The following MED27 variants were observed in gnomAD, a reference collection of about 807,000 sequenced individuals.
MED27 encodes mediator complex subunit 27.
In MED27, 30 loss-of-function variants were observed where a neutral mutation model predicts 38.2. The observed-to-expected ratio is 0.79, with a 90% CI of 0.59 to 1.07. The LOEUF is 1.07. Among genes scored for constraint, MED27 ranks in the 50% least tolerant of loss-of-function variants. MED27 has a pLI of 0.00. For missense variants in MED27, 289 were observed against 397.5 expected (o/e 0.73, Z 2.32); for synonymous variants, 122 against 153.5 (o/e 0.79, Z 1.52).
chr9:131,975,129 A>T (rs528296871), intron 3 of MED27, among the ~76,000 whole-genome samples: 1 of 152,338 alleles, frequency 6.6e-6, no homozygotes, highest in South Asian at 2.1e-4. Flanking sequence ...GCTGTTATTT[A>T]TCTCTTTTTC....
intron 3 of MED27, among the ~76,000 whole-genome samples, chr9:131,988,156 C>A (rs1831893203): frequency 6.6e-6 from 1 of 152,138 alleles, no homozygotes; most frequent in African/African-American, 2.4e-5. Flanking sequence ...TTTCCTATAG[C>A]ATAGTGGCTA....
intron 2 of MED27, among the ~76,000 whole-genome samples, chr9:132,030,886 C>G (rs551893373): frequency 9.1e-4 from 138 of 152,312 alleles, no homozygotes; most frequent in African/African-American, 3.2e-3. Context: ...GAGACAGCAA[C>G]AGAAAGAGAG....
intron 4 of MED27, among the ~76,000 whole-genome samples, chr9:131,923,591 A>G (rs1830434503): frequency 6.6e-6 from 1 of 152,174 alleles, no homozygotes; most frequent in South Asian, 2.1e-4. Context: ...CTTTTTTAAA[A>G]TCTTGTCCAG....
intron 3 of MED27, among the ~76,000 whole-genome samples, chr9:131,959,176 T>C (rs1210939926): frequency 6.6e-6 from 1 of 152,214 alleles, no homozygotes; most frequent in African/African-American, 2.4e-5. Context: ...CCCAGCTCTA[T>C]GAAGTAGGTG....
At chr9:131,951,129 T>G (rs767936447) in intron 3 of MED27, among the ~76,000 whole-genome samples, 2 of 152,134 alleles carry the variant, frequency 1.3e-5, no homozygotes, top group Non-Finnish European at 2.9e-5. Context: ...AGCTCCAGAT[T>G]TTCCCACCTC....
chr9:131,998,453 G>C (rs1254124603), intron 3 of MED27, among the ~76,000 whole-genome samples: 2 of 152,026 alleles, frequency 1.3e-5, no homozygotes. Context: ...TCACTTATCT[G>C]CATCCTTATT....
At chr9:132,073,783 TAGC>T in intron 2 of MED27, 1 of 1,494,902 alleles carries the variant, frequency 6.7e-7, no homozygotes. Context: ...AAAAAAAAGG[TAGC>T]AGCAGCACCT....
intron 2 of MED27, among the ~76,000 whole-genome samples, chr9:132,046,850 T>C (rs1380649968): frequency 6.6e-6 from 1 of 152,120 alleles, no homozygotes; most frequent in African/African-American, 2.4e-5. Context: ...TTGTCACAAA[T>C]ACAACTGTGA....
intron 2 of MED27, among the ~76,000 whole-genome samples, chr9:132,034,956 T>C (rs767516768): frequency 5.3e-5 from 8 of 152,208 alleles, no homozygotes; most frequent in Non-Finnish European, 8.8e-5. Context: ...ACCATACATA[T>C]GTATGTGCAC....
intron 5 of MED27, 64 bp from the exon 6 acceptor site, chr9:131,884,163 T>C: frequency 7.7e-7 from 1 of 1,299,692 alleles, no homozygotes; most frequent in East Asian, 2.4e-5. Flanking sequence ...CAAGAAATAA[T>C]ATTGTAACTA....
At chr9:131,988,376 G>A (rs1013127549) in intron 3 of MED27, among the ~76,000 whole-genome samples, 7 of 152,222 alleles carry the variant, frequency 4.6e-5, no homozygotes, top group African/African-American at 1.2e-4. Context: ...GGTTTGAACC[G>A]CATGAGTCCA....
At chr9:132,013,125 T>C (rs1351756529) in intron 3 of MED27, among the ~76,000 whole-genome samples, 1 of 152,208 alleles carries the variant, frequency 6.6e-6, no homozygotes, top group Non-Finnish European at 1.5e-5. Flanking sequence ...TGTGCCCACA[T>C]TTCTCATTCC....
chr9:132,071,418 A>G (rs9411438), intron 2 of MED27, among the ~76,000 whole-genome samples: 86,206 of 151,256 alleles, frequency 0.57, 26,096 homozygotes, highest in Non-Finnish European at 0.66. Context: ...GAGCACACAC[A>G]CACATGAATA....
chr9:132,030,058 T>C lies in MED27; in HGVS notation c.349-15591A>G, dbSNP rs542233939. On this transcript the variant is annotated intron_variant, in intron 2 of 7. Coordinates refer to ENST00000292035, the MANE Select transcript of MED27 (RefSeq NM_004269.4). ...CAGAAGACAACAAACTGGTGACTTA[T>C]GTCCTGGTTTTCAAAGACAGGGAGG... 3.9e-5 allele frequency among the ~76,000 whole-genome samples: 6 copies of C among 152,302 alleles called. No individual in the cohort carries two copies. The East Asian group carries it at 5.8e-4, about 15-fold the overall frequency.
rs180717563 is a variant in MED27 at position 132,067,505 on chromosome 9, C to G, written c.348+9937G>C. ...GCCCCAAGACAAAGAGATGATGGCC[C>G]CTTGGGGAACGACAATTACTTCTGT... is the stretch of plus-strand genomic sequence containing the variant. On this transcript the variant is annotated intron_variant, in intron 2 of 7. Transcript: ENST00000292035. Among the ~76,000 whole-genome samples, 3 of 152,188 alleles carry G rather than the reference C, an allele frequency of 2.0e-5. No individual in the cohort carries two copies. In the East Asian group the frequency reaches 5.8e-4, roughly 29 times the overall value.
intron 4 of MED27, among the ~76,000 whole-genome samples, chr9:131,906,555 C>CT (rs1235305492): frequency 1.3e-5 from 2 of 152,190 alleles, no homozygotes; most frequent in Non-Finnish European, 2.9e-5. Flanking sequence ...TACTGTAGGG[C>CT]TTTCAGTAGA....
intron 5 of MED27, among the ~76,000 whole-genome samples, chr9:131,886,929 A>G (rs1265457658): frequency 6.6e-6 from 1 of 152,212 alleles, no homozygotes; most frequent in African/African-American, 2.4e-5. Context: ...GAAGCCAAAG[A>G]TTCCAAATCT....
intron 3 of MED27, among the ~76,000 whole-genome samples, chr9:132,013,929 G>C (rs1233085270): frequency 6.6e-6 from 1 of 152,116 alleles, no homozygotes; most frequent in Non-Finnish European, 1.5e-5. Flanking sequence ...TTCTGGGCCG[G>C]GTGTGGTAGC....
chr9:132,045,757 C>T (rs1333296719), intron 2 of MED27, among the ~76,000 whole-genome samples: 1 of 152,232 alleles, frequency 6.6e-6, no homozygotes, highest in Non-Finnish European at 1.5e-5. Context: ...CCAGCTAAAA[C>T]ACTCTGTTTC....
Sources: gnomAD v4.1 joint callset for allele counts (sites outside exome capture counted in the v4.1 genomes callset) on GRCh38, gnomAD v4.1.1 for gene constraint, MANE v1.5 for transcripts, NCBI Gene and HGNC (gene_info 2026-07-23, HGNC 2026-07-21) for gene names.